The following TLL2 variants were observed in gnomAD, a reference collection of about 807,000 sequenced individuals.
TLL2 encodes the protein tolloid like 2, also known as tolloid-like protein 2.
In TLL2, 106 loss-of-function variants were observed where a neutral mutation model predicts 123.0. That is an observed-to-expected ratio of 0.86 (90% CI 0.74 to 1.01). The LOEUF is 1.01. TLL2 is among the 50% of genes least tolerant of loss of function. The pLI, the probability that TLL2 is intolerant of heterozygous loss-of-function variation, is 0.00. For synonymous variants in TLL2, 494 were observed against 516.8 expected, an observed-to-expected ratio of 0.96 and a Z score of 0.60; for missense variants, 1,332 against 1,336.7, an observed-to-expected ratio of 1.00 and a Z score of 0.06.
At chr10:96,422,757 C>T (rs1341872016) in intron 5 of TLL2, 30 bp from the exon 6 acceptor site, 2 of 1,613,084 alleles carry the variant, frequency 1.2e-6, no homozygotes, top group Non-Finnish European at 1.7e-6. Flanking sequence ...CCCAGGTCAG[C>T]AGGTCAGAAG....
chr10:96,460,415 C>T (rs1411608594), intron 2 of TLL2, among the ~76,000 whole-genome samples: 2 of 152,158 alleles, frequency 1.3e-5, no homozygotes, highest in African/African-American at 2.4e-5. Flanking sequence ...AGGGATCAGT[C>T]CTCATGAATG....
intron 2 of TLL2, among the ~76,000 whole-genome samples, chr10:96,476,531 G>A (rs997504554): frequency 3.3e-5 from 5 of 151,234 alleles, no homozygotes; most frequent in African/African-American, 4.9e-5. Context: ...CAAAGTGCTC[G>A]GATTACAGGT....
chr10:96,465,978 AAAAC>A (rs1292760472), intron 2 of TLL2, among the ~76,000 whole-genome samples: 1 of 152,254 alleles, frequency 6.6e-6, no homozygotes, highest in Non-Finnish European at 1.5e-5. Context: ...TAAGCACTAC[AAAAC>A]AAACAAAACA....
Position 96,379,025 on chromosome 10 carries a change from G to A in TLL2, c.2262C>T (p.Tyr754=), listed in dbSNP as rs767335146. ...QHECVNTFGS[Y]LCRCRNGYWL... is the part of the protein sequence containing the mutation. ...AGTAGCCGTTTCTGCACCTGCACAG[G>A]TAGCTCCCGAAGGTGTTGACGCACT... Residue 754 remains tyrosine (Y), a synonymous_variant, in exon 17 of 21, where the codon TAC becomes TAT. Transcript: ENST00000357947. 6.2e-7 allele frequency: 1 copy of A among 1,614,216 alleles called. No homozygotes were observed. Among genetic ancestry groups the A allele is most frequent in the South Asian group, 1.1e-5 (1 of 91,080 alleles).
chr10:96,388,879 CT>C (rs1227957865), intron 13 of TLL2, among the ~76,000 whole-genome samples: 1 of 152,208 alleles, frequency 6.6e-6, no homozygotes, highest in African/African-American at 2.4e-5. Flanking sequence ...GTGATGTACT[CT>C]TGGGCTCAAT....
chr10:96,414,419 C>T (rs1846534778), intron 7 of TLL2, among the ~76,000 whole-genome samples: 1 of 152,206 alleles, frequency 6.6e-6, no homozygotes, highest in African/African-American at 2.4e-5. Flanking sequence ...TCCGTCTGCC[C>T]TCTCTCCAGC....
intron 2 of TLL2, among the ~76,000 whole-genome samples, chr10:96,476,302 T>C (rs1471129010): frequency 6.9e-6 from 1 of 145,884 alleles, no homozygotes; most frequent in East Asian, 2.1e-4. Context: ...TCAGATGTAG[T>C]GCAGTGGTAC....
chr10:96,463,159 G>A (rs189179862), intron 2 of TLL2, among the ~76,000 whole-genome samples: 1 of 152,214 alleles, frequency 6.6e-6, no homozygotes, highest in African/African-American at 2.4e-5. Context: ...AGAAGGGAGA[G>A]GTGTTCGATT....
chr10:96,401,520 A>G (rs1294956986), intron 10 of TLL2, among the ~76,000 whole-genome samples: 4 of 151,478 alleles, frequency 2.6e-5, no homozygotes, highest in Non-Finnish European at 5.9e-5. Context: ...ACACACACAC[A>G]CACACGCACA....
intron 1 of TLL2, among the ~76,000 whole-genome samples, chr10:96,486,888 G>C (rs1335468995): frequency 6.6e-6 from 1 of 152,220 alleles, no homozygotes; most frequent in Non-Finnish European, 1.5e-5. Context: ...CCCTGGGCCT[G>C]CTCAGCTGGC....
At position 96,513,766 on chromosome 10, in the gene TLL2, G is replaced by T. The variant is rs1847656889; in HGVS notation, c.-81C>A. ...GCCGAAAGACGGCGCACACTGGGTC[G>T]GTCGGCTCCGGCCGGGACTCGGTGG... On this transcript the variant is annotated 5_prime_UTR_variant, in exon 1 of 21. Coordinates refer to ENST00000357947, the MANE Select transcript of TLL2 (RefSeq NM_012465.4). 3.7e-6 allele frequency: 5 copies of T among 1,367,042 alleles called. No individual in the cohort carries two copies. The highest frequency in any genetic ancestry group is 4.8e-6 in the Non-Finnish European group (5 of 1,046,302). The allele number at this position is 1,367,042 out of a possible 1,614,324, so 84.7% of individuals were successfully genotyped here.
Position 96,365,197 on chromosome 10 carries a change from G to C in TLL2, c.*2891C>G, listed in dbSNP as rs1013634552. 6.6e-6 allele frequency: 1 copy of C among 152,166 alleles called. No homozygotes were observed. Among genetic ancestry groups the C allele is most frequent in the African/African-American group, 2.4e-5 (1 of 41,426 alleles). The allele number at this position is 152,166 out of a possible 1,614,324, so 9.4% of individuals were successfully genotyped here. Reference sequence around the variant, plus strand: ...CATATTCAAAGCCGTCCTGGGCCAAGGGTTGGACAAGCTTGCTTTAGAGAG... The same window carrying C: ...CATATTCAAAGCCGTCCTGGGCCAACGGTTGGACAAGCTTGCTTTAGAGAG... On this transcript the variant is annotated 3_prime_UTR_variant, in exon 21 of 21. Transcript: ENST00000357947.
intron 3 of TLL2, among the ~76,000 whole-genome samples, chr10:96,435,192 C>T (rs1051368584): frequency 6.6e-6 from 1 of 151,886 alleles, no homozygotes; most frequent in Non-Finnish European, 1.5e-5. Flanking sequence ...CCACCACACC[C>T]AGCTAATTTT....
chr10:96,386,932 C>G (rs753851154), intron 14 of TLL2, 21 bp downstream of exon 14: 25 of 1,613,652 alleles, frequency 1.5e-5, no homozygotes, highest in Middle Eastern at 1.7e-4. Context: ...CTCATTCTAG[C>G]TTGGCAGGTC....
At chr10:96,418,846 AATAT>A (rs1182331508) in intron 7 of TLL2, among the ~76,000 whole-genome samples, 1 of 148,728 alleles carries the variant, frequency 6.7e-6, no homozygotes, top group Non-Finnish European at 1.5e-5. Context: ...AATTAATATG[AATAT>A]ATAAATTAAT....
intron 20 of TLL2, among the ~76,000 whole-genome samples, chr10:96,368,846 G>A (rs1387781958): frequency 6.6e-6 from 1 of 152,242 alleles, no homozygotes. Context: ...TGGAGCCAAA[G>A]TGGGCTTCCC....
intron 2 of TLL2, among the ~76,000 whole-genome samples, chr10:96,449,820 C>T (rs1846937657): frequency 6.6e-6 from 1 of 152,198 alleles, no homozygotes; most frequent in Admixed American, 6.5e-5. Flanking sequence ...TCCTCAACCA[C>T]ACCCACCTCT....
At chr10:96,405,430 G>C (rs1846440606) in intron 9 of TLL2, 96 bp from the exon 10 acceptor site, 2 of 1,148,594 alleles carry the variant, frequency 1.7e-6, no homozygotes, top group Admixed American at 3.5e-5. Context: ...TTACCCTTTA[G>C]CATGCAGAAC....
At chr10:96,472,598 CA>C (rs986559974) in intron 2 of TLL2, among the ~76,000 whole-genome samples, 2 of 151,798 alleles carry the variant, frequency 1.3e-5, no homozygotes, top group African/African-American at 4.8e-5. Flanking sequence ...CTCGTCTCCA[CA>C]AAAAATACAA....
Sources: allele counts gnomAD v4.1 joint callset (sites outside exome capture counted in the v4.1 genomes callset), GRCh38; gene constraint gnomAD v4.1.1; transcripts MANE v1.5; gene names NCBI Gene and HGNC (gene_info 2026-07-23, HGNC 2026-07-21).